The following LARGE1 variants were observed in gnomAD, a reference collection of about 807,000 sequenced individuals.
LARGE1 encodes the protein xylosyl- and glucuronyltransferase LARGE1.
Under a neutral mutation model 87.6 loss-of-function variants are expected in LARGE1, and 43 were observed. The observed-to-expected ratio is 0.49, with a 90% CI of 0.38 to 0.63. The LOEUF is 0.63. LARGE1 is among the 30% of genes least tolerant of loss of function. The pLI is 0.00. For synonymous variants in LARGE1, 434 were observed against 394.6 expected (o/e 1.10, Z -1.18); for missense variants, 802 against 1,000.2 (o/e 0.80, Z 2.67).
At chr22:33,128,391 TA>T in the LARGE1 span, among the ~76,000 whole-genome samples, 2 of 152,220 alleles carry the variant, frequency 1.3e-5, no homozygotes, top group African/African-American at 4.8e-5. Flanking sequence ...GAAAATGTGG[TA>T]GGCCAGATGC....
chr22:33,851,579 A>G (rs2063583765), intron 1 of LARGE1, among the ~76,000 whole-genome samples: 1 of 152,238 alleles, frequency 6.6e-6, no homozygotes, highest in Admixed American at 6.5e-5. Context: ...GGCTCCAGTT[A>G]AAGACTACCA....
the LARGE1 span, among the ~76,000 whole-genome samples, chr22:33,126,266 A>C: frequency 6.6e-6 from 1 of 152,208 alleles, no homozygotes; most frequent in Non-Finnish European, 1.5e-5. Context: ...TATCAGTGGA[A>C]GGATATATTT....
intron 6 of LARGE1, among the ~76,000 whole-genome samples, chr22:33,537,734 AT>A (rs1264867402): frequency 2.0e-5 from 3 of 151,228 alleles, no homozygotes; most frequent in African/African-American, 7.3e-5. Context: ...GCCCAGCAAA[AT>A]TTTTTTTTGG....
At chr22:33,418,149 G>T (rs1044255369) in intron 7 of LARGE1, among the ~76,000 whole-genome samples, 3 of 152,014 alleles carry the variant, frequency 2.0e-5, no homozygotes, top group Non-Finnish European at 2.9e-5. Context: ...AGGTTTCACC[G>T]TGTTAGCCAG....
intron 2 of LARGE1, among the ~76,000 whole-genome samples, chr22:33,706,501 A>G (rs1033514376): frequency 1.3e-5 from 2 of 152,224 alleles, no homozygotes; most frequent in Non-Finnish European, 2.9e-5. Context: ...AACTCGGCCC[A>G]TAACTCAATG....
intron 1 of LARGE1, among the ~76,000 whole-genome samples, chr22:33,857,365 C>A (rs1255498925): frequency 6.6e-6 from 1 of 152,166 alleles, no homozygotes; most frequent in East Asian, 1.9e-4. Flanking sequence ...AGCTGGGAAG[C>A]CCCAAAGGGC....
chr22:33,628,863 G>A (rs531433777), intron 3 of LARGE1, among the ~76,000 whole-genome samples: 2 of 152,164 alleles, frequency 1.3e-5, no homozygotes, highest in East Asian at 1.9e-4. Flanking sequence ...GGGGTGGGGG[G>A]CAGGGGGATG....
chr22:33,377,481 T>C (rs1429438495), intron 9 of LARGE1, among the ~76,000 whole-genome samples: 4 of 152,234 alleles, frequency 2.6e-5, no homozygotes, highest in African/African-American at 9.6e-5. Flanking sequence ...TATATTCCCA[T>C]TGCAATGCAC....
At chr22:33,621,112 T>C (rs1444462615) in intron 4 of LARGE1, among the ~76,000 whole-genome samples, 1 of 152,244 alleles carries the variant, frequency 6.6e-6, no homozygotes, top group African/African-American at 2.4e-5. Context: ...TCACTTATTT[T>C]ATATAAGCAT....
chr22:33,470,574 C>T (rs2068788363), intron 6 of LARGE1, among the ~76,000 whole-genome samples: 1 of 152,232 alleles, frequency 6.6e-6, no homozygotes, highest in African/African-American at 2.4e-5. Flanking sequence ...AGCCTGGTCT[C>T]TTAACTGAAG....
chr22:33,188,165 T>TAATA (rs924845627), intron 11 of LARGE1, among the ~76,000 whole-genome samples: 16 of 151,970 alleles, frequency 1.1e-4, no homozygotes, highest in Non-Finnish European at 1.9e-4. Context: ...AATAATTAAA[T>TAATA]AATAAATAAA....
chr22:33,392,079 TA>T (rs1321289830), intron 7 of LARGE1, among the ~76,000 whole-genome samples: 1 of 151,954 alleles, frequency 6.6e-6, no homozygotes, highest in Non-Finnish European at 1.5e-5. Context: ...TACCACAGGT[TA>T]TTCCTATAAC....
intron 1 of LARGE1, among the ~76,000 whole-genome samples, chr22:33,817,995 G>A (rs1357028251): frequency 6.6e-6 from 1 of 152,102 alleles, no homozygotes; most frequent in Non-Finnish European, 1.5e-5. Context: ...CACTGTGGAG[G>A]AAGGGCCTTT....
chr22:33,642,710 CAAAAAAAAA>C (rs60815644), intron 3 of LARGE1, among the ~76,000 whole-genome samples: 502 of 17,400 alleles, frequency 0.029, 10 homozygotes, highest in African/African-American at 0.12. Context: ...AAATGGAAAG[CAAAAAAAAA>C]AAAAAAAAAA....
intron 6 of LARGE1, among the ~76,000 whole-genome samples, chr22:33,452,648 G>C (rs959012541): frequency 6.6e-6 from 1 of 152,140 alleles, no homozygotes; most frequent in African/African-American, 2.4e-5. Context: ...AAGGCCACAC[G>C]GTGGATTTGT....
the LARGE1 span, among the ~76,000 whole-genome samples, chr22:33,084,349 A>G: frequency 6.6e-6 from 1 of 152,126 alleles, no homozygotes; most frequent in South Asian, 2.1e-4. Context: ...CTATACCCTC[A>G]TTGCTGTCTG....
chr22:33,185,382 G>A (rs866174431), intron 11 of LARGE1, among the ~76,000 whole-genome samples: 4 of 152,236 alleles, frequency 2.6e-5, no homozygotes, highest in Admixed American at 1.3e-4. Flanking sequence ...AAAGAACAGT[G>A]TTTGCCAAGG....
Position 33,358,474 on chromosome 22 carries a change from T to G in LARGE1, c.1132-20673A>C, listed in dbSNP as rs536917315. ...CATCTTCCCCCAAAGATGTAGAAAC[T>G]GACACAACTCTAACTATTATAAAAT... On this transcript the variant is annotated intron_variant, in intron 9 of 14. Transcript: ENST00000397394. 5.3e-5 allele frequency among the ~76,000 whole-genome samples: 8 copies of G among 152,294 alleles called. No individual in the cohort carries two copies. The East Asian group carries it at 1.5e-3, about 29-fold the overall frequency.
intron 7 of LARGE1, among the ~76,000 whole-genome samples, chr22:33,421,029 A>C (rs532146258): frequency 6.6e-6 from 1 of 152,174 alleles, no homozygotes; most frequent in African/African-American, 2.4e-5. Flanking sequence ...CTCTACCAAA[A>C]ATACAAAAAA....
Sources: allele counts gnomAD v4.1 joint callset (sites outside exome capture counted in the v4.1 genomes callset), GRCh38; gene constraint gnomAD v4.1.1; transcripts MANE v1.5; gene names NCBI Gene and HGNC (gene_info 2026-07-23, HGNC 2026-07-21).